The following PCBP3 variants were observed in gnomAD, a reference collection of about 807,000 sequenced individuals.
PCBP3 encodes the protein poly(rC) binding protein 3, also known as poly(rC)-binding protein 3.
A neutral mutation model predicts 52.7 loss-of-function variants in PCBP3; 25 were observed. That is an observed-to-expected ratio of 0.47 (90% CI 0.35 to 0.66). The LOEUF (loss-of-function observed/expected upper bound fraction) is 0.66. Among genes scored for constraint, PCBP3 ranks in the 30% least tolerant of loss-of-function variants. The probability of loss-of-function intolerance (pLI) is 0.01; values close to 1 mark genes in which losing one functional copy is unlikely to be tolerated. For missense variants in PCBP3, 391 were observed against 490.3 expected (o/e 0.80, Z 1.91); for synonymous variants, 162 against 183.0 (o/e 0.89, Z 0.93).
rs34229652 is a variant in PCBP3, at chr21:45,740,621, A to AGTGTGTGTGT, written c.-162+5200_-162+5209dup. 8.0e-5 allele frequency among the ~76,000 whole-genome samples: 12 copies of AGTGTGTGTGT among 150,494 alleles called. No individual in the cohort carries two copies. The South Asian group carries it at 1.5e-3, about 18-fold the overall frequency. On this transcript the variant is annotated intron_variant, in intron 3 of 17. Coordinates refer to ENST00000681687, the MANE Select transcript of PCBP3 (RefSeq NM_001384156.1). ...ATGTGAGTGTGTGTGTGGTGTGTGT[A>AGTGTGTGTGT]GTGTGTGTGTGTGTGTGAAGTGTGT...
At chr21:45,730,045 G>T (rs2085340688) in intron 2 of PCBP3, among the ~76,000 whole-genome samples, 1 of 151,788 alleles carries the variant, frequency 6.6e-6, no homozygotes, top group South Asian at 2.1e-4. Context: ...TTTTAAAATG[G>T]CTTTTCAGCT....
At chr21:45,697,379 G>C (rs984805489) in intron 2 of PCBP3, among the ~76,000 whole-genome samples, 2 of 152,180 alleles carry the variant, frequency 1.3e-5, no homozygotes, top group African/African-American at 4.8e-5. Flanking sequence ...GCACAAACTT[G>C]TGGAGAATAC....
At chr21:45,648,280 G>A (rs1209304987) in intron 1 of PCBP3, among the ~76,000 whole-genome samples, 5 of 151,672 alleles carry the variant, frequency 3.3e-5, no homozygotes, top group African/African-American at 4.9e-5. Flanking sequence ...AGTCTTAGCT[G>A]ACAAAATTAA....
Position 45,929,927 on chromosome 21 carries a change from A to G in PCBP3, c.728A>G (p.Lys243Arg). The G allele has an allele frequency of 6.2e-7, 1 of 1,613,544 alleles. No individual in the cohort carries two copies. The highest frequency in any genetic ancestry group is 8.5e-7 in the Non-Finnish European group (1 of 1,179,736). The part of the protein sequence containing the change: ...YAIPHPDQLT[K>R]LHQLAMQQTP... ...TCCCTCCTACCCCAGCAGTTGACCA[A>G]GCTCCACCAGTTGGCCATGCAGCAA... Residue 243 changes from lysine to arginine, a missense_variant, in exon 14 of 18, where the codon AAG (lysine) becomes AGG (arginine). By Grantham distance (26) the Lys-to-Arg change is conservative. Coordinates refer to ENST00000681687, the MANE Select transcript of PCBP3 (RefSeq NM_001384156.1).
intron 4 of PCBP3, among the ~76,000 whole-genome samples, chr21:45,813,240 G>T (rs938347524): frequency 6.6e-6 from 1 of 152,152 alleles, no homozygotes; most frequent in Admixed American, 6.5e-5. Context: ...TGCGTAGTTT[G>T]AATAGCGTCT....
intron 2 of PCBP3, among the ~76,000 whole-genome samples, chr21:45,677,299 A>G (rs1021690222): frequency 6.6e-6 from 1 of 152,224 alleles, no homozygotes; most frequent in African/African-American, 2.4e-5. Context: ...TAGAAGGTGC[A>G]ACTAACCACA....
At chr21:45,748,188 A>G (rs964106672) in intron 3 of PCBP3, 2 of 152,530 alleles carry the variant, frequency 1.3e-5, no homozygotes, top group Non-Finnish European at 2.9e-5. Context: ...TGCACCATCC[A>G]TTCATTGGAG....
chr21:45,839,510 G>A (rs2093655291), intron 4 of PCBP3, among the ~76,000 whole-genome samples: 1 of 152,140 alleles, frequency 6.6e-6, no homozygotes, highest in Non-Finnish European at 1.5e-5. Context: ...TATTTCCTGT[G>A]TTCTTGTGGA....
At chr21:45,775,662 TCCCACACTGCAGCTCTC>T (rs2090199362) in intron 4 of PCBP3, among the ~76,000 whole-genome samples, 1 of 152,182 alleles carries the variant, frequency 6.6e-6, no homozygotes, top group Non-Finnish European at 1.5e-5. Context: ...TAAGCAGTCT[TCCCACACTGCAGCTCTC>T]AAAGTGCTGG....
At chr21:45,696,730 G>A (rs1372305057) in intron 2 of PCBP3, among the ~76,000 whole-genome samples, 7 of 151,814 alleles carry the variant, frequency 4.6e-5, no homozygotes, top group African/African-American at 1.7e-4. Context: ...GGCAGAGGTT[G>A]CAGTGAGCCG....
At chr21:45,690,279 TA>T (rs1358673771) in intron 2 of PCBP3, among the ~76,000 whole-genome samples, 4 of 151,830 alleles carry the variant, frequency 2.6e-5, no homozygotes, top group South Asian at 2.1e-4. Context: ...TATCCATATA[TA>T]AAAAAAAGAA....
intron 2 of PCBP3, among the ~76,000 whole-genome samples, chr21:45,725,149 C>T (rs1603336344): frequency 6.6e-6 from 1 of 152,138 alleles, no homozygotes; most frequent in Non-Finnish European, 1.5e-5. Flanking sequence ...AAACCAGTGG[C>T]AATGCCAGAG....
At chr21:45,935,193 C>G in intron 15 of PCBP3, 60 bp from the exon 16 acceptor site, 1 of 1,192,558 alleles carries the variant, frequency 8.4e-7, no homozygotes, top group South Asian at 1.2e-5. Flanking sequence ...GGGACAGGCA[C>G]TGGAGTGTGA....
Position 45,927,667 on chromosome 21 carries a change from G to T in PCBP3, c.718-2250G>T, listed in dbSNP as rs151009465. ...CCTACATTTGTAGGTGGGGAGAAGA[G>T]AGATTTGTTTGCTAGTGTGGTCATT... is the stretch of plus-strand genomic sequence containing the variant. On this transcript the variant is annotated intron_variant, in intron 13 of 17. Transcript: ENST00000681687. Among the ~76,000 whole-genome samples the T allele has an allele frequency of 5.7e-4, 86 of 152,042 alleles. No individual in the cohort carries two copies. The East Asian group carries it at 0.016, about 28-fold the overall frequency.
chr21:45,780,824 C>T (rs1263108762), intron 4 of PCBP3, among the ~76,000 whole-genome samples: 1 of 152,152 alleles, frequency 6.6e-6, no homozygotes, highest in Non-Finnish European at 1.5e-5. Flanking sequence ...GACCGATGCG[C>T]CAACACTTTT....
intron 1 of PCBP3, among the ~76,000 whole-genome samples, chr21:45,650,527 T>C (rs2079609774): frequency 6.6e-6 from 1 of 152,160 alleles, no homozygotes; most frequent in Non-Finnish European, 1.5e-5. Context: ...CATATCCTAC[T>C]GCAGCCTTGA....
At chr21:45,718,706 A>T (rs1479283139) in intron 2 of PCBP3, among the ~76,000 whole-genome samples, 1 of 152,194 alleles carries the variant, frequency 6.6e-6, no homozygotes, top group Non-Finnish European at 1.5e-5. Context: ...GCTCTTAAAA[A>T]GTTAATTGTG....
rs191183670 is a variant in PCBP3, at chr21:45,759,336, C to T, written c.-126+3884C>T. 3.8e-3 allele frequency among the ~76,000 whole-genome samples: 586 copies of T among 152,282 alleles called. 5 individuals carry two copies. Among genetic ancestry groups the T allele is most frequent in the African/African-American group, 0.014 (568 of 41,576 alleles). ...TTGGAGAGTTTTTAAACTGTGAATT[C>T]AGTTTCTTTAATTGTTATAAGATTT... On this transcript the variant is annotated intron_variant, in intron 4 of 17. Transcript: ENST00000681687.
intron 4 of PCBP3, among the ~76,000 whole-genome samples, chr21:45,833,712 G>A (rs563447099): frequency 7.9e-5 from 12 of 152,308 alleles, no homozygotes; most frequent in Admixed American, 7.8e-4. Flanking sequence ...CAGAGGCCAG[G>A]CCTAAGGGGC....
Sources: gnomAD v4.1 joint callset for allele counts (sites outside exome capture counted in the v4.1 genomes callset) on GRCh38, gnomAD v4.1.1 for gene constraint, MANE v1.5 for transcripts, NCBI Gene and HGNC (gene_info 2026-07-23, HGNC 2026-07-21) for gene names.